Variants in CNNM2 observed in about 807,000 individuals in gnomAD.
CNNM2 encodes the protein cyclin and CBS domain divalent metal cation transport mediator 2, also known as metal transporter CNNM2.
Under a neutral mutation model 66.9 loss-of-function variants are expected in CNNM2, and 12 were observed. That is an observed-to-expected ratio of 0.18 (90% CI 0.11 to 0.29). CNNM2 has a LOEUF of 0.29. Among genes scored for constraint, CNNM2 ranks in the 10% least tolerant of loss-of-function variants. The probability of loss-of-function intolerance (pLI) is 1.00; values close to 1 mark genes in which losing one functional copy is unlikely to be tolerated. For missense variants in CNNM2, 705 were observed against 1,167.7 expected, an observed-to-expected ratio of 0.60 and a Z score of 5.77; for synonymous variants, 557 against 501.8, an observed-to-expected ratio of 1.11 and a Z score of -1.47.
chr10:102,926,393 G>A (rs185798501), intron 1 of CNNM2, among the ~76,000 whole-genome samples: 5 of 152,256 alleles, frequency 3.3e-5, no homozygotes, highest in Admixed American at 2.0e-4. Context: ...TGGTTTTTAT[G>A]GGGATTACAC....
chr10:103,059,326 CCCTTCCT>C (rs2065346105), intron 4 of CNNM2, among the ~76,000 whole-genome samples: 1 of 152,186 alleles, frequency 6.6e-6, no homozygotes, highest in African/African-American at 2.4e-5. Context: ...TATCTGCCTT[CCCTTCCT>C]GGCCTCAGTG....
At chr10:103,015,163 G>T (rs972467788) in intron 1 of CNNM2, among the ~76,000 whole-genome samples, 7 of 152,128 alleles carry the variant, frequency 4.6e-5, no homozygotes, top group African/African-American at 7.2e-5. Flanking sequence ...TCATTCAGGG[G>T]TTACAAATTT....
chr10:103,007,050 G>C (rs2064242953), intron 1 of CNNM2, among the ~76,000 whole-genome samples: 1 of 152,196 alleles, frequency 6.6e-6, no homozygotes, highest in Non-Finnish European at 1.5e-5. Context: ...AGTGTCGGCT[G>C]ATCTGAGAAA....
chr10:102,922,384 C>CT (rs1363065164), intron 1 of CNNM2, among the ~76,000 whole-genome samples: 6 of 151,142 alleles, frequency 4.0e-5, no homozygotes, highest in South Asian at 2.1e-4. Flanking sequence ...TATATTGGTT[C>CT]TTTTTTTTAT....
intron 1 of CNNM2, among the ~76,000 whole-genome samples, chr10:102,922,369 T>A (rs1845676488): frequency 6.6e-6 from 1 of 152,180 alleles, no homozygotes; most frequent in South Asian, 2.1e-4. Context: ...AACCTTACTG[T>A]CAGTTATATT....
At chr10:102,927,379 C>G (rs1284946436) in intron 1 of CNNM2, 1 of 1,613,806 alleles carries the variant, frequency 6.2e-7, no homozygotes, top group African/African-American at 1.3e-5. Flanking sequence ...CATACCAACA[C>G]TGAAAAGAAG....
Position 103,054,670 on chromosome 10 carries a change from A to C in CNNM2, c.1903+204A>C, listed in dbSNP as rs1230522928. Among the ~76,000 whole-genome samples the C allele has an allele frequency of 1.3e-5, 2 of 152,002 alleles. No homozygotes were observed. Among genetic ancestry groups the C allele is most frequent in the South Asian group, 2.1e-4 (1 of 4,824 alleles). The stretch of plus-strand genomic sequence containing the variant: ...CTCCTCTCCTATGTTCAGTGTCGGC[A>C]TGAACCCTCTGAGACATTTACCAGG... On this transcript the variant is annotated intron_variant, in intron 3 of 7. Coordinates refer to ENST00000369878, the MANE Select transcript of CNNM2 (RefSeq NM_017649.5). This position sits in a 1 kb window ranked among gnomAD's most constrained non-coding sequence, Gnocchi z 5.2.
chr10:102,953,409 A>C (rs985893823), intron 1 of CNNM2, among the ~76,000 whole-genome samples: 1 of 151,896 alleles, frequency 6.6e-6, no homozygotes, highest in Non-Finnish European at 1.5e-5. Flanking sequence ...GGTGCCCGCC[A>C]CTACACCTGG....
chr10:103,053,998 T>G (rs1323864031), intron 2 of CNNM2, among the ~76,000 whole-genome samples: 1 of 152,176 alleles, frequency 6.6e-6, no homozygotes, highest in African/African-American at 2.4e-5. Context: ...GCCCTGTTGC[T>G]GTGTGCTTCT....
intron 1 of CNNM2, among the ~76,000 whole-genome samples, chr10:102,996,232 A>ATTTTTTTTTTT (rs529109432): frequency 7.1e-6 from 1 of 141,614 alleles, no homozygotes. Context: ...GTTTGGTTTC[A>ATTTTTTTTTTT]TTTTTTTTTT....
intron 1 of CNNM2, among the ~76,000 whole-genome samples, chr10:103,034,351 A>G (rs2064888771): frequency 1.3e-5 from 2 of 150,946 alleles, no homozygotes; most frequent in South Asian, 4.2e-4. Flanking sequence ...AAAACAAAAC[A>G]AAAAAAACCA....
intron 1 of CNNM2, among the ~76,000 whole-genome samples, chr10:103,035,184 T>C (rs796823996): frequency 6.6e-6 from 1 of 152,110 alleles, no homozygotes; most frequent in Admixed American, 6.6e-5. Context: ...GACTACTAAG[T>C]AGTCTGGTCA....
Position 102,973,518 on chromosome 10 carries a change from G to GT in CNNM2, c.1621+53431dup, listed in dbSNP as rs34757632. ...GCTAATTTTCTGTGTGTGTGTGTGT[G>GT]TTTTTTTTTTTTTTGGTAGAGACAA... On this transcript the variant is annotated intron_variant, in intron 1 of 7. Transcript: ENST00000369878. 0.058 allele frequency among the ~76,000 whole-genome samples: 8,156 copies of GT among 140,074 alleles called. 665 individuals are homozygous for GT. Among genetic ancestry groups the GT allele is most frequent in the African/African-American group, 0.18 (6,987 of 38,486 alleles). The allele number at this position is 140,074 out of a possible 152,430, so 91.9% of individuals were successfully genotyped here. A position where few individuals can be genotyped will look rare whatever the true frequency, so the allele number is the denominator to read the frequency against.
chr10:103,067,462 G>A (rs1293275365), intron 4 of CNNM2, among the ~76,000 whole-genome samples: 8 of 152,156 alleles, frequency 5.3e-5, no homozygotes, highest in Admixed American at 6.5e-5. Context: ...CTGCTGCATC[G>A]AGTTGTGCAC....
At chr10:102,939,832 G>T (rs931870124) in intron 1 of CNNM2, among the ~76,000 whole-genome samples, 1 of 152,032 alleles carries the variant, frequency 6.6e-6, no homozygotes. Context: ...TCAGCTGGGC[G>T]TGGCGCACAC....
intron 3 of CNNM2, 88 bp from the exon 4 acceptor site, chr10:103,056,707 T>C (rs571447913): frequency 2.3e-4 from 282 of 1,251,844 alleles, no homozygotes; most frequent in South Asian, 3.2e-4. Flanking sequence ...TTCCAAGTAT[T>C]CTTATCTAAA....
chr10:102,950,858 A>G (rs1387257350), intron 1 of CNNM2, among the ~76,000 whole-genome samples: 3 of 152,134 alleles, frequency 2.0e-5, no homozygotes, highest in African/African-American at 4.8e-5. Flanking sequence ...CTTTTCAGCA[A>G]TTTGTTTTAC....
chr10:103,074,412 T>C (rs2065654200), intron 6 of CNNM2, among the ~76,000 whole-genome samples: 1 of 152,204 alleles, frequency 6.6e-6, no homozygotes, highest in African/African-American at 2.4e-5. Flanking sequence ...GTCTGATAAA[T>C]TGTTAATTTG....
intron 1 of CNNM2, among the ~76,000 whole-genome samples, chr10:102,969,513 G>A (rs936969943): frequency 4.0e-5 from 6 of 151,292 alleles, no homozygotes; most frequent in African/African-American, 1.5e-4. Flanking sequence ...TGCCCAGCCA[G>A]TAGTGCTATC....
Sources: allele counts gnomAD v4.1 joint callset (sites outside exome capture counted in the v4.1 genomes callset), GRCh38; gene constraint gnomAD v4.1.1; non-coding constraint Gnocchi (gnomAD v3.1); transcripts MANE v1.5; gene names NCBI Gene and HGNC (gene_info 2026-07-23, HGNC 2026-07-21).